USP37: variants seen among roughly 807,000 people sequenced by gnomAD.
USP37 encodes the protein ubiquitin specific peptidase 37.
A neutral mutation model predicts 124.0 loss-of-function variants in USP37; 27 were observed. That is an observed-to-expected ratio of 0.22 (90% CI 0.16 to 0.30). USP37 has a LOEUF of 0.30. USP37 is among the 10% of genes least tolerant of loss of function. USP37 has a pLI of 1.00. For missense variants in USP37, 889 were observed against 1,140.4 expected, an observed-to-expected ratio of 0.78 and a Z score of 3.17; for synonymous variants, 365 against 388.0, an observed-to-expected ratio of 0.94 and a Z score of 0.70.
intron 10 of USP37, among the ~76,000 whole-genome samples, chr2:218,523,354 T>C (rs185431898): frequency 3.9e-5 from 6 of 152,346 alleles, no homozygotes; most frequent in Admixed American, 3.9e-4. Context: ...AACACTCCAA[T>C]GAACATTTCC....
Position 218,549,883 on chromosome 2 carries a change from T to C in USP37, c.355A>G (p.Ser119Gly). Residue 119 changes from serine to glycine, a missense_variant, in exon 6 of 26, where the codon AGT becomes GGT. Physicochemically the swap from Ser to Gly is moderately conservative, Grantham distance 56. This residue lies in a region of USP37 where 374 missense variants were observed against 386.0 expected (regional missense o/e 0.97). Coordinates refer to ENST00000258399, the MANE Select transcript of USP37 (RefSeq NM_020935.3). The stretch of plus-strand genomic sequence containing the variant: ...CTGCTGCCCAGAATGGCTCCAAAAC[T>C]ACCAGACCCCTGAGACGGTTTCATG... ...AAMKPSQGSG[S>G]FGAILGSRTS... The C allele has an allele frequency of 6.2e-7, 1 of 1,611,794 alleles. No homozygotes were observed. The highest frequency in any genetic ancestry group is 1.3e-5 in the African/African-American group (1 of 74,986).
Position 218,453,457 on chromosome 2 carries a change from T to C in USP37, c.*1473A>G, listed in dbSNP as rs564391273. On this transcript the variant is annotated 3_prime_UTR_variant, in exon 26 of 26. Transcript: ENST00000258399. ...CCTACCTCTGAGAACTAAAGAATAA[T>C]CCCCTTGTTTATAATAAAAGAAAAA... 44 of 152,188 alleles carry C rather than the reference T, an allele frequency of 2.9e-4. No individual in the cohort carries two copies. Among genetic ancestry groups the C allele is most frequent in the African/African-American group, 9.9e-4 (41 of 41,514 alleles). The allele number at this position is 152,188 out of a possible 1,614,324, so 9.4% of individuals were successfully genotyped here. A position where few individuals can be genotyped will look rare whatever the true frequency, so the allele number is the denominator to read the frequency against.
Position 218,553,687 on chromosome 2 carries a change from C to G in USP37, c.194G>C (p.Ser65Thr), listed in dbSNP as rs758719682. ...HNIKNVVLRPSGAKQSRLMLT... is the reference protein window; with the variant it reads ...HNIKNVVLRPTGAKQSRLMLT... The stretch of plus-strand genomic sequence containing the variant: ...CATTAGGCGGCTTTGTTTCGCTCCA[C>G]TGGGTCGAAGCACCACATTTTTAAT... The change falls in exon 5 of 26, where the codon AGT becomes ACT. Residue 65 changes from serine (S) to threonine (T), a missense_variant. Around this residue, in one of 3 missense-constraint regions of USP37, gnomAD observed 374 missense variants for 386.0 expected, o/e 0.97. Coordinates refer to ENST00000258399, the MANE Select transcript of USP37 (RefSeq NM_020935.3). 76 of 1,613,262 alleles carry G rather than the reference C, an allele frequency of 4.7e-5. No individual in the cohort carries two copies. The highest frequency in any genetic ancestry group is 6.2e-5 in the Non-Finnish European group (73 of 1,179,626).
intron 10 of USP37, among the ~76,000 whole-genome samples, chr2:218,523,828 C>T (rs1055344377): frequency 6.6e-6 from 1 of 152,204 alleles, no homozygotes; most frequent in Non-Finnish European, 1.5e-5. Flanking sequence ...CCTTTCCAAT[C>T]CCCAAACCTC....
At chr2:218,530,930 AAGC>A (rs1691288190) in intron 9 of USP37, among the ~76,000 whole-genome samples, 2 of 152,186 alleles carry the variant, frequency 1.3e-5, no homozygotes, top group Admixed American at 1.3e-4. Flanking sequence ...AGGCTGAGAG[AAGC>A]AGAAGAAAAA....
intron 8 of USP37, among the ~76,000 whole-genome samples, chr2:218,545,236 C>G (rs1230186340): frequency 1.3e-5 from 2 of 152,140 alleles, no homozygotes; most frequent in African/African-American, 4.8e-5. Context: ...TTCTCATAAC[C>G]TGATATAACC....
intron 11 of USP37, among the ~76,000 whole-genome samples, chr2:218,506,055 G>T (rs1689662113): frequency 6.6e-6 from 1 of 151,712 alleles, no homozygotes; most frequent in Non-Finnish European, 1.5e-5. Context: ...GTAGAGATGG[G>T]GTTTCGCTAT....
At chr2:218,558,373 T>C (rs1052269705) in intron 4 of USP37, 125 bp downstream of exon 4, 69 of 883,544 alleles carry the variant, frequency 7.8e-5, no homozygotes, top group Non-Finnish European at 1.1e-4. Context: ...ATTAATGTCC[T>C]AGAAATAAGA....
chr2:218,474,674 G>A lies in USP37; in HGVS notation c.2255C>T (p.Pro752Leu). Residue 752 changes from proline (P) to leucine (L), a missense_variant, in exon 20 of 26, where the codon CCA (proline) becomes CTA (leucine). Pro to Leu is a moderately conservative substitution (Grantham distance 98). Around this residue, in one of 3 missense-constraint regions of USP37, gnomAD observed 504 missense variants for 714.3 expected, o/e 0.71. Transcript: ENST00000258399. ...EDDIQEMPEN[P>L]DTMETEKPKT... ...GGGCTTCTCAGTTTCCATAGTGTCT[G>A]GATTTTCTGGCATTTCTTGAATATC... The A allele has an allele frequency of 6.2e-7, 1 of 1,614,164 alleles. No homozygotes were observed. Among genetic ancestry groups the A allele is most frequent in the South Asian group, 1.1e-5 (1 of 91,084 alleles).
rs10181307 is a variant in USP37, at chr2:218,459,983, C to T, written c.2528-78G>A. The stretch of plus-strand genomic sequence containing the variant: ...TGGTGGCTCACACCTGTAATCCCAA[C>T]ACTTTGGGAGGCCGAGACAGGTGGA... On this transcript the variant is annotated intron_variant, in intron 22 of 25. Coordinates refer to ENST00000258399, the MANE Select transcript of USP37 (RefSeq NM_020935.3). 4,786 of 1,096,810 alleles carry T rather than the reference C, an allele frequency of 4.4e-3. 140 individuals carry two copies. The African/African-American group carries it at 0.063, about 14-fold the overall frequency. The allele number at this position is 1,096,810 out of a possible 1,614,324, so 67.9% of individuals were successfully genotyped here.
In USP37 at chr2:218,458,049, AAAAAAG is replaced by A. The variant is rs1398562891; in HGVS notation, c.2644-894_2644-889del. 1.5e-4 allele frequency among the ~76,000 whole-genome samples: 22 copies of A among 150,908 alleles called. 1 individual carries two copies. In the East Asian group the frequency reaches 3.9e-3, roughly 27 times the overall value. ...AGCAAGACTCTGTCTCAAAAAAAAA[AAAAAAG>A]AAAAGAAAAGAAAAGAAAAAAAAAA... On this transcript the variant is annotated intron_variant, in intron 23 of 25. Transcript: ENST00000258399.
intron 17 of USP37, among the ~76,000 whole-genome samples, chr2:218,481,353 T>G (rs1320353566): frequency 6.6e-6 from 1 of 152,118 alleles, no homozygotes; most frequent in Admixed American, 6.5e-5. Flanking sequence ...AACTGAAGCA[T>G]TTGCTAAAAA....
At chr2:218,478,961 T>C (rs1400959501) in intron 18 of USP37, among the ~76,000 whole-genome samples, 1 of 152,176 alleles carries the variant, frequency 6.6e-6, no homozygotes, top group Non-Finnish European at 1.5e-5. Flanking sequence ...ACAACAAAAA[T>C]GTCTCTTCTC....
intron 15 of USP37, among the ~76,000 whole-genome samples, chr2:218,486,874 C>T (rs376351355): frequency 6.6e-6 from 1 of 151,940 alleles, no homozygotes; most frequent in Non-Finnish European, 1.5e-5. Flanking sequence ...TACAGGCGCC[C>T]GCCACCACGC....
chr2:218,521,450 G>A (rs539737374), intron 10 of USP37, among the ~76,000 whole-genome samples: 13 of 152,092 alleles, frequency 8.5e-5, no homozygotes, highest in African/African-American at 2.4e-4. Context: ...TTTAAGCCCC[G>A]CATGCATTAC....
intron 10 of USP37, among the ~76,000 whole-genome samples, chr2:218,529,645 A>G (rs940293110): frequency 4.0e-5 from 6 of 151,898 alleles, no homozygotes; most frequent in Non-Finnish European, 7.4e-5. Flanking sequence ...TTTTTGAGAC[A>G]GGGTCTCGTT....
chr2:218,505,635 A>AT (rs1261870019), intron 11 of USP37, among the ~76,000 whole-genome samples: 1 of 152,028 alleles, frequency 6.6e-6, no homozygotes, highest in African/African-American at 2.4e-5. Context: ...GCTTTGCATG[A>AT]TGATTTTGAG....
At chr2:218,558,044 C>T (rs1175570991) in intron 4 of USP37, among the ~76,000 whole-genome samples, 3 of 148,188 alleles carry the variant, frequency 2.0e-5, no homozygotes, top group African/African-American at 7.4e-5. Flanking sequence ...CTTGAATAAT[C>T]ATCCTTGAAT....
rs557074797 is a variant in USP37 at position 218,477,040 on chromosome 2, T to C, written c.1902-59A>G. 6.5e-5 allele frequency: 93 copies of C among 1,425,364 alleles called. No individual in the cohort carries two copies. In the African/African-American group the frequency reaches 1.1e-3, roughly 17 times the overall value. 88.3% of individuals were successfully genotyped at this position (1,425,364 alleles called of 1,614,324 possible). The stretch of plus-strand genomic sequence containing the variant: ...AACATTTGTCTTTGTTATTCTTTTA[T>C]TGTAAAAATATCAAAACAAATTGCT... On this transcript the variant is annotated intron_variant, in intron 18 of 25. Transcript: ENST00000258399.
Sources: gnomAD v4.1 joint callset for allele counts (sites outside exome capture counted in the v4.1 genomes callset) on GRCh38, gnomAD v4.1.1 for gene constraint, gnomAD v4.1.1 regional missense constraint, MANE v1.5 for transcripts, NCBI Gene and HGNC (gene_info 2026-07-23, HGNC 2026-07-21) for gene names.